Variants in PGBD2 observed in about 807,000 individuals in gnomAD.
PGBD2 encodes the protein piggyBac transposable element-derived protein 2.
In PGBD2, 6 loss-of-function variants were observed where a neutral mutation model predicts 8.1. The observed-to-expected ratio is 0.74, with a 90% CI of 0.40 to 1.46. The LOEUF is 1.46. Ranked by LOEUF, PGBD2 falls within the 40% of genes most tolerant of loss-of-function variation. The pLI, the probability that PGBD2 is intolerant of heterozygous loss-of-function variation, is 0.02. For missense variants in PGBD2, 802 were observed against 739.0 expected, an observed-to-expected ratio of 1.09 and a Z score of -0.99; for synonymous variants, 318 against 272.2, an observed-to-expected ratio of 1.17 and a Z score of -1.66.
chr1:248,917,835 C>T lies in PGBD2; in HGVS notation c.1251C>T (p.Ser417=), dbSNP rs766135424. 1.4e-5 allele frequency: 22 copies of T among 1,614,026 alleles called. No homozygotes were observed. The highest frequency in any genetic ancestry group is 8.0e-5 in the African/African-American group (6 of 74,902). The change falls in exon 3 of 3, where the codon AGC becomes AGT. Residue 417 remains serine (S), a synonymous_variant. Coordinates refer to ENST00000329291, the MANE Select transcript of PGBD2 (RefSeq NM_170725.3). ...EIIVCRWHDS[S]VVNICSNAVG... is the part of the protein sequence containing the mutation. The stretch of plus-strand genomic sequence containing the variant: ...TCGTGTGCCGCTGGCACGATAGCAG[C>T]GTGGTCAACATTTGCTCCAATGCTG...
chr1:248,928,737 A>G, the PGBD2 span, among the ~76,000 whole-genome samples: 1 of 152,228 alleles, frequency 6.6e-6, no homozygotes. Context: ...CTTCAATAAC[A>G]GCCTCCTCCA....
the PGBD2 span, among the ~76,000 whole-genome samples, chr1:248,898,213 A>G: frequency 4.6e-5 from 7 of 151,918 alleles, no homozygotes; most frequent in Non-Finnish European, 1.0e-4. Flanking sequence ...CAGTGTACCA[A>G]CTCCACCAAG....
At chr1:248,894,276 G>T in the PGBD2 span, among the ~76,000 whole-genome samples, 1 of 151,380 alleles carries the variant, frequency 6.6e-6, no homozygotes. Context: ...TCTATTTTTG[G>T]GTTTTTTTTG....
At chr1:248,884,457 C>T in the PGBD2 span, among the ~76,000 whole-genome samples, 1 of 152,126 alleles carries the variant, frequency 6.6e-6, no homozygotes, top group African/African-American at 2.4e-5. Context: ...AGCAGTTCTC[C>T]TGCCTCAGCC....
the PGBD2 span, among the ~76,000 whole-genome samples, chr1:248,891,612 G>A: frequency 6.6e-6 from 1 of 152,120 alleles, no homozygotes; most frequent in Non-Finnish European, 1.5e-5. Context: ...GGTGAATTGC[G>A]TGAGCCCAGG....
chr1:248,927,533 C>G, the PGBD2 span, among the ~76,000 whole-genome samples: 7 of 152,340 alleles, frequency 4.6e-5, no homozygotes, highest in East Asian at 1.3e-3. Flanking sequence ...TGTGGTCCCT[C>G]TCTCAATGAC....
the PGBD2 span, among the ~76,000 whole-genome samples, chr1:248,896,665 T>G: frequency 6.6e-6 from 1 of 152,330 alleles, no homozygotes; most frequent in Admixed American, 6.5e-5. Context: ...ACAAAATTAC[T>G]GATTAGAAGC....
the PGBD2 span, among the ~76,000 whole-genome samples, chr1:248,891,000 C>A: frequency 6.6e-6 from 1 of 151,792 alleles, no homozygotes; most frequent in Non-Finnish European, 1.5e-5. Flanking sequence ...CACACATTCA[C>A]CACCCACCAC....
Position 248,917,329 on chromosome 1 carries a change from A to C in PGBD2, c.745A>C (p.Ile249Leu). 1.2e-6 allele frequency: 2 copies of C among 1,614,200 alleles called. No homozygotes were observed. Among genetic ancestry groups the C allele is most frequent in the Non-Finnish European group, 1.7e-6 (2 of 1,180,022 alleles). ...TAGGTTTGCCAAGGTCAGACCTCTC[A>C]TCATCCGGATGAACTGCAATTTCCA... ...SDRFAKVRPL[I>L]IRMNCNFQKH... The change falls in exon 3 of 3, where the codon ATC (isoleucine) becomes CTC (leucine). Residue 249 changes from isoleucine to leucine, a missense_variant. By Grantham distance (5) the Ile-to-Leu change is conservative. Transcript: ENST00000329291.
chr1:248,916,495 A>G (rs1259592622), intron 2 of PGBD2, 107 bp from the exon 3 acceptor site: 2 of 868,164 alleles, frequency 2.3e-6, no homozygotes, highest in Non-Finnish European at 3.6e-6. Flanking sequence ...AGATCTGTGA[A>G]GCCATTCAAG....
chr1:248,927,262 C>T, the PGBD2 span, among the ~76,000 whole-genome samples: 4 of 152,104 alleles, frequency 2.6e-5, no homozygotes, highest in South Asian at 8.3e-4. Context: ...ATGAGAATGT[C>T]GGGAAGGGAG....
downstream of PGBD2, among the ~76,000 whole-genome samples, chr1:248,920,287 A>C (rs1662258090): frequency 6.6e-6 from 1 of 151,694 alleles, no homozygotes; most frequent in African/African-American, 2.4e-5. Context: ...TCCTAATGCT[A>C]TCCCTCCCCT....
intron 1 of PGBD2, among the ~76,000 whole-genome samples, chr1:248,910,106 T>C (rs1661812045): frequency 6.6e-6 from 1 of 152,230 alleles, no homozygotes; most frequent in African/African-American, 2.4e-5. Context: ...GTCAGGCTTC[T>C]TGACCCAAAC....
At chr1:248,876,429 T>C in the PGBD2 span, among the ~76,000 whole-genome samples, 3 of 152,370 alleles carry the variant, frequency 2.0e-5, no homozygotes, top group East Asian at 5.8e-4. Context: ...ATTCTTTTGG[T>C]CCACTGTGGT....
the PGBD2 span, among the ~76,000 whole-genome samples, chr1:248,928,778 C>T: frequency 6.6e-6 from 1 of 152,214 alleles, no homozygotes; most frequent in African/African-American, 2.4e-5. Flanking sequence ...CTTATTTTTC[C>T]TGCAGAAGAA....
At chr1:248,886,229 CA>C in the PGBD2 span, among the ~76,000 whole-genome samples, 2 of 151,334 alleles carry the variant, frequency 1.3e-5, no homozygotes, top group Non-Finnish European at 2.9e-5. Context: ...ACCATAAAGA[CA>C]AAAAAATAAA....
At chr1:248,890,189 A>C in the PGBD2 span, among the ~76,000 whole-genome samples, 43 of 152,144 alleles carry the variant, frequency 2.8e-4, no homozygotes, top group Non-Finnish European at 5.3e-4. Flanking sequence ...AGCCTCCCAC[A>C]GTGCTGGGTT....
chr1:248,884,593 C>T, the PGBD2 span, among the ~76,000 whole-genome samples: 1 of 152,034 alleles, frequency 6.6e-6, no homozygotes, highest in Non-Finnish European at 1.5e-5. Flanking sequence ...GATCCGCCCA[C>T]CTCATTATAG....
intron 1 of PGBD2, among the ~76,000 whole-genome samples, chr1:248,908,528 AGT>A (rs567477930): frequency 2.0e-5 from 3 of 152,112 alleles, no homozygotes; most frequent in Non-Finnish European, 4.4e-5. Flanking sequence ...GTCCTCCTTA[AGT>A]GTGTCCATTT....
Sources: gnomAD v4.1 joint callset for allele counts (sites outside exome capture counted in the v4.1 genomes callset) on GRCh38, gnomAD v4.1.1 for gene constraint, MANE v1.5 for transcripts, NCBI Gene and HGNC (gene_info 2026-07-23, HGNC 2026-07-21) for gene names.